The following ANKFN1 variants were observed in gnomAD, a reference collection of about 807,000 sequenced individuals.
The protein encoded by ANKFN1 is ankyrin repeat and fibronectin type-III domain-containing protein 1.
Under a neutral mutation model 108.7 loss-of-function variants are expected in ANKFN1, and 74 were observed. The ratio of observed to expected loss-of-function variants is 0.68; its 90% CI spans 0.56 to 0.83. The LOEUF (loss-of-function observed/expected upper bound fraction) is 0.83, where lower values mean the gene tolerates loss of function less well. ANKFN1 is among the 40% of genes least tolerant of loss of function. The pLI is 0.00. For synonymous variants in ANKFN1, 547 were observed against 516.2 expected (o/e 1.06, Z -0.81); for missense variants, 1,505 against 1,382.3 (o/e 1.09, Z -1.41).
At chr17:56,472,336 A>G (rs771264228) in intron 15 of ANKFN1, 2 of 152,210 alleles carry the variant, frequency 1.3e-5, no homozygotes, top group Non-Finnish European at 2.9e-5. Flanking sequence ...CACCTCTACC[A>G]TCATGGATGG....
At chr17:56,384,055 T>G (rs2047186163) in intron 8 of ANKFN1, among the ~76,000 whole-genome samples, 1 of 152,098 alleles carries the variant, frequency 6.6e-6, no homozygotes, top group Admixed American at 6.5e-5. Flanking sequence ...ATATCCTTGA[T>G]GAACATTGAT....
intron 4 of ANKFN1, 89 bp downstream of exon 4, chr17:56,326,444 G>T: frequency 6.8e-7 from 1 of 1,470,650 alleles, no homozygotes; most frequent in Non-Finnish European, 9.1e-7. Flanking sequence ...TGTTGCTGTG[G>T]CTTAAATGAT....
Position 56,055,569 on chromosome 17 carries a change from ATATATATATATATATATATG to A in ANKFN1, c.288+9253_288+9272del, listed in dbSNP as rs1401830873. On this transcript the variant is annotated intron_variant, in intron 4 of 12. Transcript: ENST00000635860. The stretch of plus-strand genomic sequence containing the variant: ...ATGTGTGTGTGTGGTATATATACAT[ATATATATATATATATATATG>A]TATATATACACATTTTTTTATCCAG... Among the ~76,000 whole-genome samples the A allele has an allele frequency of 1.6e-4, 16 of 99,204 alleles. 2 individuals carry two copies. Among genetic ancestry groups the A allele is most frequent in the South Asian group, 6.0e-4 (2 of 3,318 alleles). The allele number at this position is 99,204 out of a possible 152,430, so 65.1% of individuals were successfully genotyped here.
At chr17:56,190,308 G>A (rs1912769791) in intron 1 of ANKFN1, among the ~76,000 whole-genome samples, 1 of 132,196 alleles carries the variant, frequency 7.6e-6, no homozygotes, top group Admixed American at 7.9e-5. Context: ...TGATGTTAGG[G>A]TGTCAATTTT....
In ANKFN1 at chr17:56,306,080, G is replaced by A. The variant is rs139112358; in HGVS notation, c.54-20141G>A. On this transcript the variant is annotated intron_variant, in intron 3 of 20. Transcript: ENST00000682825. ...TAGATACACAGTAACTCTTGAAATT[G>A]AGTAACCTTATTCCTCCCAATTTAT... Among the ~76,000 whole-genome samples, 21 of 152,312 alleles carry A rather than the reference G, an allele frequency of 1.4e-4. No individual in the cohort carries two copies. In the East Asian group the frequency reaches 3.5e-3, roughly 25 times the overall value.
chr17:56,091,895 G>C (rs112399545), intron 4 of ANKFN1, among the ~76,000 whole-genome samples: 1,917 of 151,454 alleles, frequency 0.013, 97 homozygotes, highest in African/African-American at 0.044. Flanking sequence ...TACATGGAGA[G>C]GGACAGGGAG....
intron 8 of ANKFN1, among the ~76,000 whole-genome samples, chr17:56,391,212 CATATATATATATATATATATATAT>C (rs202114506): frequency 0.66 from 80,028 of 121,668 alleles, 27,864 homozygotes; most frequent in East Asian, 0.97. Flanking sequence ...CCCAAGAATA[CATATATATATATATATATATATAT>C]ATATATATAT....
intron 4 of ANKFN1, among the ~76,000 whole-genome samples, chr17:56,108,391 G>A (rs1381725522): frequency 1.3e-5 from 2 of 152,154 alleles, no homozygotes; most frequent in Admixed American, 6.5e-5. Context: ...GGCAACCAGG[G>A]CTTTTCTTCT....
chr17:56,306,055 T>G (rs1305468394), intron 3 of ANKFN1, among the ~76,000 whole-genome samples: 1 of 152,224 alleles, frequency 6.6e-6, no homozygotes, highest in Non-Finnish European at 1.5e-5. Context: ...TTGATTACTA[T>G]AGATACACAG....
At chr17:56,381,611 G>C (rs1056291170) in intron 8 of ANKFN1, among the ~76,000 whole-genome samples, 7 of 152,210 alleles carry the variant, frequency 4.6e-5, no homozygotes, top group African/African-American at 1.4e-4. Context: ...GGAGCTGAAA[G>C]CCAAGGCTCG....
rs2051724791 is a variant in ANKFN1, at chr17:56,510,741, T to C, written c.2913T>C (p.His971=). 6.5e-7 allele frequency: 1 copy of C among 1,535,934 alleles called. No individual in the cohort carries two copies. The highest frequency in any genetic ancestry group is 8.7e-7 in the Non-Finnish European group (1 of 1,146,900). Reference sequence around the variant, plus strand: ...ATCACTCATGTGCCGAGTTTCTCCATAGCCTGACCCTCACGGGGTTCACAC... The same window carrying C: ...ATCACTCATGTGCCGAGTTTCTCCACAGCCTGACCCTCACGGGGTTCACAC... The part of the protein sequence containing the change: ...NPDHSCAEFL[H]SLTLTGFTPK... Residue 971 remains histidine (H), a synonymous_variant, in exon 21 of 21, where the codon CAT becomes CAC. Transcript: ENST00000682825.
intron 3 of ANKFN1, among the ~76,000 whole-genome samples, chr17:56,262,535 A>G (rs1041517050): frequency 1.3e-5 from 2 of 152,192 alleles, no homozygotes; most frequent in Non-Finnish European, 2.9e-5. Flanking sequence ...ACCCATTTCA[A>G]GTCAAGACTT....
chr17:56,172,402 T>C (rs1046028035), intron 1 of ANKFN1, among the ~76,000 whole-genome samples: 1 of 152,160 alleles, frequency 6.6e-6, no homozygotes, highest in Non-Finnish European at 1.5e-5. Flanking sequence ...CTTTCACTTA[T>C]CTGATTTTTA....
At chr17:56,116,650 G>A (rs182985573) in intron 4 of ANKFN1, among the ~76,000 whole-genome samples, 152 of 152,182 alleles carry the variant, frequency 1.0e-3, no homozygotes, top group African/African-American at 3.0e-3. Context: ...TACCCTGAAG[G>A]CTTTACCAGA....
In ANKFN1 at chr17:56,466,611, T is replaced by C. The variant is rs1220291851; in HGVS notation, c.1773+40T>C. On this transcript the variant is annotated intron_variant, in intron 15 of 20. Transcript: ENST00000682825. ...TCTTAATTCCCGGGTATACTTAAGG[T>C]TCCAAACCCAATTATTGAAGGTCTA... The C allele has an allele frequency of 2.0e-6, 3 of 1,521,262 alleles. No homozygotes were observed. In the East Asian group the frequency reaches 7.3e-5, roughly 37 times the overall value. The allele number at this position is 1,521,262 out of a possible 1,614,324, so 94.2% of individuals were successfully genotyped here. A position where few individuals can be genotyped will look rare whatever the true frequency, so the allele number is the denominator to read the frequency against.
chr17:56,335,682 C>T (rs1015953242), intron 4 of ANKFN1, among the ~76,000 whole-genome samples: 2 of 152,186 alleles, frequency 1.3e-5, no homozygotes, highest in African/African-American at 4.8e-5. Context: ...TTGATTTCCT[C>T]TTTTCCTAAT....
chr17:56,485,147 C>CT (rs2050818175), intron 18 of ANKFN1, among the ~76,000 whole-genome samples: 1 of 152,148 alleles, frequency 6.6e-6, no homozygotes, highest in Non-Finnish European at 1.5e-5. Flanking sequence ...ATTCCAGGCA[C>CT]TGAAGAATCA....
intron 8 of ANKFN1, among the ~76,000 whole-genome samples, chr17:56,379,372 C>G (rs2047030791): frequency 6.6e-6 from 1 of 150,958 alleles, no homozygotes; most frequent in African/African-American, 2.4e-5. Flanking sequence ...GCACTCCAGC[C>G]TGGGTGACAG....
At chr17:56,176,800 C>G (rs1472983885) in intron 1 of ANKFN1, among the ~76,000 whole-genome samples, 1 of 152,142 alleles carries the variant, frequency 6.6e-6, no homozygotes, top group Non-Finnish European at 1.5e-5. Context: ...GCTGAACACT[C>G]CAGCTTATGT....
Sources: allele counts gnomAD v4.1 joint callset (sites outside exome capture counted in the v4.1 genomes callset), GRCh38; gene constraint gnomAD v4.1.1; transcripts MANE v1.5; gene names NCBI Gene and HGNC (gene_info 2026-07-23, HGNC 2026-07-21).